Variants in POLA2 observed in about 807,000 individuals in gnomAD.
The protein encoded by POLA2 is DNA polymerase alpha 2, accessory subunit.
Under a neutral mutation model 82.8 loss-of-function variants are expected in POLA2, and 47 were observed. The ratio of observed to expected loss-of-function variants is 0.57; its 90% CI spans 0.45 to 0.72. POLA2 has a LOEUF of 0.72. Ranked by LOEUF, POLA2 falls within the 30% of genes least tolerant of loss-of-function variation. The pLI is 0.00. For synonymous variants in POLA2, 287 were observed against 286.8 expected (o/e 1.00, Z -0.01); for missense variants, 634 against 728.1 (o/e 0.87, Z 1.49).
rs369223766 is a variant in POLA2 at position 65,287,735 on chromosome 11, C to T, written c.1026C>T (p.Val342=). The part of the protein sequence containing the change: ...EEDADFEQSM[V]LVACGPYTTS... ...TCTTAGACTTTGAGCAAAGCATGGT[C>T]CTGGTTGCCTGTGGACCATACACCA... Residue 342 remains valine (V), a synonymous_variant, in exon 11 of 18, where the codon GTC becomes GTT. Transcript: ENST00000265465. 51 of 1,613,554 alleles carry T rather than the reference C, an allele frequency of 3.2e-5. No homozygotes were observed. The highest frequency in any genetic ancestry group is 4.2e-5 in the Non-Finnish European group (49 of 1,179,734).
At chr11:65,274,098 T>C (rs964742496) in intron 4 of POLA2, among the ~76,000 whole-genome samples, 1 of 152,126 alleles carries the variant, frequency 6.6e-6, no homozygotes, top group Non-Finnish European at 1.5e-5. Flanking sequence ...AGACCTGTAA[T>C]CCCAGCACTT....
rs900098572 is a variant in POLA2, at chr11:65,298,445, T to TC, written c.*1178dup. 1.3e-5 allele frequency: 2 copies of TC among 152,294 alleles called. No homozygotes were observed. Among genetic ancestry groups the TC allele is most frequent in the Non-Finnish European group, 1.5e-5 (1 of 68,104 alleles). 9.4% of individuals were successfully genotyped at this position (152,294 alleles called of 1,614,324 possible). On this transcript the variant is annotated 3_prime_UTR_variant, in exon 18 of 18. Transcript: ENST00000265465. ...GTCACTGGCCAGACGTGGAGTGGCTTCCTGCCCTAAGCTGGCAGGCTGTCC... is the reference window on the plus strand; with the variant it reads ...GTCACTGGCCAGACGTGGAGTGGCTTCCCTGCCCTAAGCTGGCAGGCTGTCC...
At chr11:65,289,991 G>A in intron 13 of POLA2, 119 bp downstream of exon 13, 1 of 647,592 alleles carries the variant, frequency 1.5e-6, no homozygotes, top group African/African-American at 1.8e-5. Context: ...GATCACACCT[G>A]TAATCCCAGC....
intron 13 of POLA2, among the ~76,000 whole-genome samples, chr11:65,292,593 T>G (rs965690341): frequency 2.0e-5 from 3 of 152,210 alleles, no homozygotes; most frequent in African/African-American, 7.2e-5. Context: ...GTGGCCTGTT[T>G]ACCAGACCCT....
chr11:65,297,020 A>G, intron 17 of POLA2, 100 bp from the exon 18 acceptor site: 1 of 1,276,314 alleles, frequency 7.8e-7, no homozygotes, highest in Non-Finnish European at 1.1e-6. Context: ...ATTTTCTAAA[A>G]CCCTCTTTGG....
chr11:65,278,040 G>A (rs1033202756), intron 5 of POLA2, among the ~76,000 whole-genome samples: 1 of 152,104 alleles, frequency 6.6e-6, no homozygotes, highest in Non-Finnish European at 1.5e-5. Context: ...CTCTCTGTAC[G>A]GCGTGTTTAC....
At chr11:65,282,724 C>T (rs903879542) in intron 10 of POLA2, among the ~76,000 whole-genome samples, 1 of 152,158 alleles carries the variant, frequency 6.6e-6, no homozygotes, top group Admixed American at 6.5e-5. Flanking sequence ...GTCGTGCTGT[C>T]GCCTGAGTTC....
chr11:65,302,497 C>T (rs1042718806), downstream of POLA2, among the ~76,000 whole-genome samples: 39 of 152,190 alleles, frequency 2.6e-4, no homozygotes, highest in African/African-American at 8.7e-4. Context: ...GGCACCATCA[C>T]TCCTGATTCC....
rs367947984 is a variant in POLA2 at position 65,262,275 on chromosome 11, C to T, written c.-18C>T. 5 of 1,607,762 alleles carry T rather than the reference C, an allele frequency of 3.1e-6. No homozygotes were observed. Among genetic ancestry groups the T allele is most frequent in the East Asian group, 2.2e-5 (1 of 44,662 alleles). ...GGAGCTGGGTGGGCCGGCTCCCCGG[C>T]CCCTGGCTTGGGCGACCATGTCCGC... On this transcript the variant is annotated 5_prime_UTR_variant, in exon 1 of 18. Coordinates refer to ENST00000265465, the MANE Select transcript of POLA2 (RefSeq NM_002689.4).
chr11:65,294,689 G>A (rs1262656296), intron 15 of POLA2, 37 bp downstream of exon 15: 3 of 1,402,802 alleles, frequency 2.1e-6, no homozygotes, highest in Non-Finnish European at 3.0e-6. Context: ...CAGGATGACT[G>A]GCTTTCTGGT....
chr11:65,281,620 A>C, intron 8 of POLA2, 50 bp from the exon 9 acceptor site: 1 of 1,256,946 alleles, frequency 8.0e-7, no homozygotes, highest in Non-Finnish European at 1.2e-6. Context: ...TGTATTCCAG[A>C]CCTCATTGAT....
intron 11 of POLA2, 90 bp from the exon 12 acceptor site, chr11:65,288,960 A>G: frequency 3.3e-6 from 4 of 1,227,112 alleles, no homozygotes; most frequent in Non-Finnish European, 4.8e-6. Flanking sequence ...AGCCCTCCAC[A>G]GAGAACTGCC....
At chr11:65,262,395 C>T (rs1270074912) in intron 1 of POLA2, 24 bp downstream of exon 1, 1 of 1,593,248 alleles carries the variant, frequency 6.3e-7, no homozygotes, top group Non-Finnish European at 8.6e-7. Context: ...CCCTCCCGCC[C>T]TGCAGCCGTG....
downstream of POLA2, among the ~76,000 whole-genome samples, chr11:65,300,941 T>TC (rs1404169793): frequency 6.6e-6 from 1 of 152,266 alleles, no homozygotes; most frequent in Admixed American, 6.5e-5. Flanking sequence ...GCAGCATGTA[T>TC]CAGTCCGCCA....
At chr11:65,289,996 CCCAG>C in intron 13 of POLA2, 124 bp downstream of exon 13, 1 of 627,892 alleles carries the variant, frequency 1.6e-6, no homozygotes, top group Non-Finnish European at 2.8e-6. Flanking sequence ...CACCTGTAAT[CCCAG>C]CACTTTGGGA....
chr11:65,267,545 A>G lies in POLA2; in HGVS notation c.273A>G (p.Arg91=). 6.2e-7 allele frequency: 1 copy of G among 1,610,074 alleles called. No individual in the cohort carries two copies. Among genetic ancestry groups the G allele is most frequent in the Non-Finnish European group, 8.5e-7 (1 of 1,177,286 alleles). ...AGGACAGTGGCCATGCAGGAGCTAG[A>G]GACATTGTTTCCATTCAAGAGCTGT... is the stretch of plus-strand genomic sequence containing the variant. The part of the protein sequence containing the change: ...TCKDSGHAGA[R]DIVSIQELIE... Residue 91 remains arginine, a synonymous_variant, in exon 3 of 18, where the codon AGA becomes AGG. Coordinates refer to ENST00000265465, the MANE Select transcript of POLA2 (RefSeq NM_002689.4).
chr11:65,290,496 A>T (rs994987781), intron 13 of POLA2, among the ~76,000 whole-genome samples: 1 of 152,054 alleles, frequency 6.6e-6, no homozygotes, highest in African/African-American at 2.4e-5. Flanking sequence ...AGACCACACC[A>T]TTGCACTCCA....
intron 1 of POLA2, 31 bp downstream of exon 1, chr11:65,262,402 C>G (rs745437105): frequency 6.4e-6 from 10 of 1,571,196 alleles, no homozygotes; most frequent in East Asian, 4.7e-5. Context: ...GCCCTGCAGC[C>G]GTGCTCCACG....
intron 1 of POLA2, among the ~76,000 whole-genome samples, chr11:65,263,176 C>T (rs1402021212): frequency 1.3e-5 from 2 of 151,262 alleles, no homozygotes; most frequent in African/African-American, 4.9e-5. Context: ...CTTTCAGAAA[C>T]CAGAATACTT....
Sources: gnomAD v4.1 joint callset for allele counts (sites outside exome capture counted in the v4.1 genomes callset) on GRCh38, gnomAD v4.1.1 for gene constraint, MANE v1.5 for transcripts, NCBI Gene and HGNC (gene_info 2026-07-23, HGNC 2026-07-21) for gene names.